Variants in CDKAL1 observed in about 807,000 individuals in gnomAD.
The protein encoded by CDKAL1 is CDKAL1 threonylcarbamoyladenosine tRNA methylthiotransferase, also known as threonylcarbamoyladenosine tRNA methylthiotransferase.
Under a neutral mutation model 68.2 loss-of-function variants are expected in CDKAL1, and 32 were observed. That is an observed-to-expected ratio of 0.47 (90% CI 0.35 to 0.63). The LOEUF (loss-of-function observed/expected upper bound fraction) is 0.63, where lower values mean the gene tolerates loss of function less well. Among genes scored for constraint, CDKAL1 ranks in the 30% least tolerant of loss-of-function variants. CDKAL1 has a pLI of 0.00. For synonymous variants in CDKAL1, 234 were observed against 244.3 expected, an observed-to-expected ratio of 0.96 and a Z score of 0.39; for missense variants, 606 against 696.7, an observed-to-expected ratio of 0.87 and a Z score of 1.47.
At chr6:20,601,396 A>G (rs1206685298) in intron 4 of CDKAL1, among the ~76,000 whole-genome samples, 1 of 152,152 alleles carries the variant, frequency 6.6e-6, no homozygotes, top group African/African-American at 2.4e-5. Flanking sequence ...ATTCAGAACT[A>G]GTGTTTAAGT....
chr6:20,654,446 G>A lies in CDKAL1; in HGVS notation c.371+5069G>A, dbSNP rs866350715. Reference sequence around the variant, plus strand: ...TTCTTTTGTGGTATCTTTTGATGAAGATAAATTCTGGTTTAAAGTTTATTA... The same window carrying A: ...TTCTTTTGTGGTATCTTTTGATGAAAATAAATTCTGGTTTAAAGTTTATTA... On this transcript the variant is annotated intron_variant, in intron 5 of 15. Coordinates refer to ENST00000274695, the MANE Select transcript of CDKAL1 (RefSeq NM_017774.3). 3.3e-5 allele frequency among the ~76,000 whole-genome samples: 5 copies of A among 151,948 alleles called. No individual in the cohort carries two copies. The South Asian group carries it at 8.3e-4, about 25-fold the overall frequency.
At chr6:20,835,004 A>T (rs937855515) in intron 8 of CDKAL1, among the ~76,000 whole-genome samples, 1 of 152,210 alleles carries the variant, frequency 6.6e-6, no homozygotes, top group Non-Finnish European at 1.5e-5. Context: ...TGATGAAAAA[A>T]GCCAGACAAA....
Position 20,546,389 on chromosome 6 carries a change from C to T in CDKAL1, c.39C>T (p.Ile13=), listed in dbSNP as rs777367152. 1.4e-5 allele frequency: 22 copies of T among 1,613,678 alleles called. No homozygotes were observed. The highest frequency in any genetic ancestry group is 3.3e-5 in the South Asian group (3 of 91,068). ...CCTGTGATACACTACTGGATGACAT[C>T]GAAGATATCGTGTCTCAGGAAGATT... is the stretch of plus-strand genomic sequence containing the variant. ...SASCDTLLDD[I]EDIVSQEDSK... is the part of the protein sequence containing the mutation. Residue 13 remains isoleucine (I), a synonymous_variant, in exon 3 of 16, where the codon ATC becomes ATT. Transcript: ENST00000274695.
chr6:20,981,601 G>A (rs192792726), intron 10 of CDKAL1, among the ~76,000 whole-genome samples: 158 of 152,300 alleles, frequency 1.0e-3, no homozygotes, highest in Non-Finnish European at 1.8e-3. Flanking sequence ...CAGCACTTTG[G>A]GAGGCCAAGA....
chr6:20,568,390 A>G (rs975132638), intron 4 of CDKAL1, among the ~76,000 whole-genome samples: 7 of 151,974 alleles, frequency 4.6e-5, no homozygotes, highest in African/African-American at 1.7e-4. Flanking sequence ...GGGACAGGTC[A>G]TCTTCTTTCA....
chr6:20,999,146 T>C (rs1767284506), intron 10 of CDKAL1, among the ~76,000 whole-genome samples: 1 of 152,216 alleles, frequency 6.6e-6, no homozygotes, highest in African/African-American at 2.4e-5. Flanking sequence ...ATGCAACTTA[T>C]TAATGAGCCA....
At chr6:20,575,216 C>G (rs367776924) in intron 4 of CDKAL1, among the ~76,000 whole-genome samples, 1 of 151,834 alleles carries the variant, frequency 6.6e-6, no homozygotes, top group African/African-American at 2.4e-5. Flanking sequence ...TTGGCCATAT[C>G]TATCTTATTT....
At chr6:20,795,939 T>A (rs889480455) in intron 8 of CDKAL1, among the ~76,000 whole-genome samples, 13 of 152,186 alleles carry the variant, frequency 8.5e-5, no homozygotes, top group African/African-American at 3.1e-4. Flanking sequence ...TTGGCCAGTA[T>A]AAGTGATCCT....
intron 11 of CDKAL1, among the ~76,000 whole-genome samples, chr6:21,019,481 A>G (rs1383914032): frequency 6.6e-6 from 1 of 152,162 alleles, no homozygotes; most frequent in East Asian, 1.9e-4. Flanking sequence ...TGTGTATAGA[A>G]TTAGACTTCC....
At chr6:20,580,315 G>A (rs537898555) in intron 4 of CDKAL1, among the ~76,000 whole-genome samples, 21 of 152,270 alleles carry the variant, frequency 1.4e-4, no homozygotes, top group Non-Finnish European at 2.9e-4. Context: ...GGGGTTCTGA[G>A]AATTAAATAA....
At chr6:20,661,358 C>A (rs1340991157) in intron 5 of CDKAL1, among the ~76,000 whole-genome samples, 1 of 152,028 alleles carries the variant, frequency 6.6e-6, no homozygotes, top group Non-Finnish European at 1.5e-5. Context: ...ATTTGAGGAG[C>A]AAGTTTTCTA....
At chr6:21,065,693 T>G (rs1443343581) in intron 12 of CDKAL1, among the ~76,000 whole-genome samples, 1 of 137,430 alleles carries the variant, frequency 7.3e-6, no homozygotes, top group Non-Finnish European at 1.6e-5. Flanking sequence ...TTTTTTTCAG[T>G]TTTTTCACAA....
intron 4 of CDKAL1, among the ~76,000 whole-genome samples, chr6:20,614,085 G>C (rs1405150356): frequency 1.3e-5 from 2 of 151,858 alleles, no homozygotes; most frequent in African/African-American, 4.8e-5. Flanking sequence ...CATTTTCTGT[G>C]ACCTGTCTGT....
At chr6:20,612,352 T>A (rs1283002236) in intron 4 of CDKAL1, among the ~76,000 whole-genome samples, 1 of 152,194 alleles carries the variant, frequency 6.6e-6, no homozygotes, top group Non-Finnish European at 1.5e-5. Context: ...ATGGTTGTAC[T>A]AATTTACATT....
At chr6:20,663,609 A>T (rs1220789263) in intron 5 of CDKAL1, among the ~76,000 whole-genome samples, 3 of 152,116 alleles carry the variant, frequency 2.0e-5, no homozygotes, top group African/African-American at 7.2e-5. Context: ...CGTATTTTTT[A>T]AAAAATGGGA....
chr6:20,697,874 T>C (rs1309683591), intron 5 of CDKAL1, among the ~76,000 whole-genome samples: 1 of 152,096 alleles, frequency 6.6e-6, no homozygotes, highest in Non-Finnish European at 1.5e-5. Flanking sequence ...CTGATGAGAG[T>C]GTCCTGGGCT....
At chr6:20,912,217 A>G (rs1762498764) in intron 9 of CDKAL1, among the ~76,000 whole-genome samples, 1 of 152,062 alleles carries the variant, frequency 6.6e-6, no homozygotes, top group African/African-American at 2.4e-5. Context: ...TTCCTCCTCA[A>G]ACCCCCTCCT....
chr6:21,007,545 C>A (rs1202623157), intron 11 of CDKAL1, among the ~76,000 whole-genome samples: 1 of 148,770 alleles, frequency 6.7e-6, no homozygotes, highest in Non-Finnish European at 1.5e-5. Context: ...GAACTATATA[C>A]CCTCAGTTTC....
intron 13 of CDKAL1, among the ~76,000 whole-genome samples, chr6:21,132,950 A>G (rs1260519954): frequency 6.6e-6 from 1 of 152,168 alleles, no homozygotes; most frequent in Non-Finnish European, 1.5e-5. Context: ...AGTTACAAAG[A>G]CAAAGCACCT....
Sources: allele counts gnomAD v4.1 joint callset (sites outside exome capture counted in the v4.1 genomes callset), GRCh38; gene constraint gnomAD v4.1.1; transcripts MANE v1.5; gene names NCBI Gene and HGNC (gene_info 2026-07-23, HGNC 2026-07-21).